NCKAP5: variants seen among roughly 807,000 people sequenced by gnomAD.
NCKAP5 encodes NCK associated protein 5.
Under a neutral mutation model 167.0 loss-of-function variants are expected in NCKAP5, and 92 were observed. The ratio of observed to expected loss-of-function variants is 0.55; its 90% CI spans 0.47 to 0.66. NCKAP5 has a LOEUF of 0.66. Among genes scored for constraint, NCKAP5 ranks in the 30% least tolerant of loss-of-function variants. The probability of loss-of-function intolerance (pLI) is 0.00; values close to 1 mark genes in which losing one functional copy is unlikely to be tolerated. For missense variants in NCKAP5, 2,378 were observed against 2,315.0 expected (o/e 1.03, Z -0.56); for synonymous variants, 891 against 877.4 (o/e 1.02, Z -0.27).
intron 8 of NCKAP5, among the ~76,000 whole-genome samples, chr2:132,890,441 C>A (rs1275406583): frequency 2.0e-5 from 3 of 152,192 alleles, no homozygotes. Flanking sequence ...AAGTTAGTTT[C>A]TGACAGTGAA....
At chr2:133,115,773 G>GTA (rs1486037522) in intron 6 of NCKAP5, among the ~76,000 whole-genome samples, 3 of 56,122 alleles carry the variant, frequency 5.3e-5, no homozygotes, top group Admixed American at 2.4e-4. Context: ...ATATGTGTGT[G>GTA]TGTATATATA....
the NCKAP5 span, among the ~76,000 whole-genome samples, chr2:133,673,821 G>A: frequency 1.5e-4 from 23 of 152,180 alleles, no homozygotes; most frequent in African/African-American, 3.4e-4. Flanking sequence ...ATCCTTCACC[G>A]TGAAATGTGC....
intron 19 of NCKAP5, among the ~76,000 whole-genome samples, chr2:132,697,074 G>C (rs544944606): frequency 1.3e-5 from 2 of 152,268 alleles, no homozygotes; most frequent in Non-Finnish European, 2.9e-5. Flanking sequence ...TTTTTGTAGA[G>C]AAGAGGTTTT....
chr2:132,976,544 A>G (rs1447894493), intron 7 of NCKAP5, among the ~76,000 whole-genome samples: 1 of 148,780 alleles, frequency 6.7e-6, no homozygotes, highest in African/African-American at 2.5e-5. Flanking sequence ...AGCCTGGGTG[A>G]CAGAGCGAGA....
At chr2:133,289,388 G>A (rs773849716) in intron 4 of NCKAP5, among the ~76,000 whole-genome samples, 29 of 145,796 alleles carry the variant, frequency 2.0e-4, no homozygotes, top group Admixed American at 3.5e-4. Flanking sequence ...TTGGCAGCCC[G>A]GGTCATTGTT....
In NCKAP5 at chr2:133,217,724, C is replaced by A. The variant is rs1389030149; in HGVS notation, c.144-3945G>T. Among the ~76,000 whole-genome samples the A allele has an allele frequency of 2.6e-5, 4 of 152,042 alleles. No homozygotes were observed. In the East Asian group the frequency reaches 7.7e-4, roughly 29 times the overall value. ...GAACAAAATAAATATTTGTGATTTG[C>A]TGAATGAGGAATCAGTTACAGAATC... is the stretch of plus-strand genomic sequence containing the variant. On this transcript the variant is annotated intron_variant, in intron 4 of 19. Transcript: ENST00000409261.
At chr2:133,233,047 A>G (rs1477605039) in intron 4 of NCKAP5, among the ~76,000 whole-genome samples, 1 of 152,204 alleles carries the variant, frequency 6.6e-6, no homozygotes, top group Non-Finnish European at 1.5e-5. Flanking sequence ...TGTGAGTCCA[A>G]GAATGGATAA....
intron 15 of NCKAP5, among the ~76,000 whole-genome samples, chr2:132,778,783 T>G (rs1189727336): frequency 1.3e-5 from 2 of 152,222 alleles, no homozygotes; most frequent in Non-Finnish European, 2.9e-5. Flanking sequence ...TGCTGTGGTG[T>G]TAAAATACAT....
At chr2:133,299,510 T>A (rs1680209571) in intron 4 of NCKAP5, among the ~76,000 whole-genome samples, 1 of 151,650 alleles carries the variant, frequency 6.6e-6, no homozygotes, top group Admixed American at 6.6e-5. Context: ...ACTTTGGGAG[T>A]CCAAGGCGGG....
chr2:133,083,731 C>T (rs1414425034), intron 6 of NCKAP5, among the ~76,000 whole-genome samples: 1 of 152,142 alleles, frequency 6.6e-6, no homozygotes, highest in Non-Finnish European at 1.5e-5. Flanking sequence ...TTCATTCACT[C>T]GTTCATTCTT....
At chr2:133,577,000 C>T in the NCKAP5 span, among the ~76,000 whole-genome samples, 2 of 152,280 alleles carry the variant, frequency 1.3e-5, no homozygotes, top group African/African-American at 4.8e-5. Context: ...AGACCAGTTT[C>T]CACCTAAGCC....
chr2:133,612,313 C>T, the NCKAP5 span, among the ~76,000 whole-genome samples: 1 of 152,104 alleles, frequency 6.6e-6, no homozygotes, highest in Non-Finnish European at 1.5e-5. Flanking sequence ...AGTTTCACAA[C>T]AAATGACACA....
the NCKAP5 span, among the ~76,000 whole-genome samples, chr2:133,618,095 A>G: frequency 6.6e-6 from 1 of 150,486 alleles, no homozygotes; most frequent in African/African-American, 2.4e-5. Context: ...AAAACTGGCT[A>G]GCCATATGTA....
At chr2:132,843,578 A>T (rs1688453070) in intron 11 of NCKAP5, among the ~76,000 whole-genome samples, 1 of 148,300 alleles carries the variant, frequency 6.7e-6, no homozygotes, top group Admixed American at 6.7e-5. Context: ...CTTTTTTGTC[A>T]CTGTAAGTTT....
chr2:133,557,875 A>C (rs577917335), intron 2 of NCKAP5, among the ~76,000 whole-genome samples: 1 of 152,308 alleles, frequency 6.6e-6, no homozygotes, highest in South Asian at 2.1e-4. Context: ...CCCTGAGCCC[A>C]CTGCCCTGAG....
chr2:133,265,395 T>C (rs1373842453), intron 4 of NCKAP5, among the ~76,000 whole-genome samples: 1 of 151,696 alleles, frequency 6.6e-6, no homozygotes, highest in Non-Finnish European at 1.5e-5. Context: ...AGGGGTAGTG[T>C]AGGGTGGGGT....
intron 6 of NCKAP5, among the ~76,000 whole-genome samples, chr2:133,075,793 A>G (rs186465015): frequency 4.4e-4 from 67 of 152,286 alleles, no homozygotes; most frequent in African/African-American, 1.6e-3. Context: ...AGAGAGGAGA[A>G]CAAAACAGAA....
intron 5 of NCKAP5, among the ~76,000 whole-genome samples, chr2:133,202,774 C>T (rs187604335): frequency 6.6e-6 from 1 of 152,134 alleles, no homozygotes. Flanking sequence ...ATGCAGCCAA[C>T]AGACACATGA....
chr2:132,784,751 CCA>C lies in NCKAP5; in HGVS notation c.2058_2059del (p.Val688CysfsTer7). 1 of 1,613,744 alleles carries C rather than the reference CCA, an allele frequency of 6.2e-7. No homozygotes were observed. Among genetic ancestry groups the C allele is most frequent in the Non-Finnish European group, 8.5e-7 (1 of 1,179,726 alleles). On this transcript the variant is annotated frameshift_variant, in exon 14 of 20. Transcript: ENST00000409261. LOFTEE classifies it high-confidence loss of function. Reference sequence around the variant, plus strand: ...CTCATTTCTGGTAACAGTGACAACCCCAGTCTGGTGAGAGCTGAATTCAATGG... The same window carrying C: ...CTCATTTCTGGTAACAGTGACAACCCGTCTGGTGAGAGCTGAATTCAATGG...
Sources: allele counts gnomAD v4.1 joint callset (sites outside exome capture counted in the v4.1 genomes callset), GRCh38; gene constraint gnomAD v4.1.1; transcripts MANE v1.5; gene names NCBI Gene and HGNC (gene_info 2026-07-23, HGNC 2026-07-21).